The following PCDH15 variants were observed in gnomAD, a reference collection of about 807,000 sequenced individuals.
PCDH15 encodes protocadherin related 15.
PCDH15 carries 129 observed loss-of-function variants against 178.5 expected under a neutral mutation model. That is an observed-to-expected ratio of 0.72 (90% confidence interval 0.63 to 0.84). PCDH15 has a LOEUF of 0.84. Ranked by LOEUF, PCDH15 falls within the 40% of genes least tolerant of loss-of-function variation. PCDH15 has a pLI of 0.00. For missense variants in PCDH15, 2,230 were observed against 2,099.9 expected, an observed-to-expected ratio of 1.06 and a Z score of -1.21; for synonymous variants, 800 against 732.0, an observed-to-expected ratio of 1.09 and a Z score of -1.50.
chr10:54,678,919 G>C (rs945622600), intron 1 of PCDH15, among the ~76,000 whole-genome samples: 1 of 152,080 alleles, frequency 6.6e-6, no homozygotes, highest in East Asian at 1.9e-4. Context: ...GGCCGGGCGC[G>C]GTGGCTCACG....
chr10:54,614,887 C>A (rs902701673), intron 2 of PCDH15, among the ~76,000 whole-genome samples: 1 of 151,972 alleles, frequency 6.6e-6, no homozygotes, highest in African/African-American at 2.4e-5. Context: ...TGATGAGGAT[C>A]AGATGAGATA....
At chr10:55,021,755 T>C (rs926215335) in intron 2 of PCDH15, among the ~76,000 whole-genome samples, 1 of 152,194 alleles carries the variant, frequency 6.6e-6, no homozygotes, top group Non-Finnish European at 1.5e-5. Flanking sequence ...TCTATATGTA[T>C]CTTGAACATC....
intron 25 of PCDH15, among the ~76,000 whole-genome samples, chr10:53,930,353 G>A (rs989375607): frequency 1.3e-5 from 2 of 150,736 alleles, no homozygotes; most frequent in African/African-American, 2.4e-5. Context: ...AGCTACTCGG[G>A]AGGCTGAGGC....
At chr10:54,766,317 C>A (rs1167217462) in intron 1 of PCDH15, among the ~76,000 whole-genome samples, 3 of 152,074 alleles carry the variant, frequency 2.0e-5, no homozygotes, top group Non-Finnish European at 4.4e-5. Context: ...TTCATTTTAA[C>A]ATCATTGCAT....
intron 2 of PCDH15, among the ~76,000 whole-genome samples, chr10:55,048,419 A>C (rs1841068491): frequency 6.6e-6 from 1 of 151,902 alleles, no homozygotes; most frequent in South Asian, 2.1e-4. Flanking sequence ...AGAACAGCAC[A>C]AAAAAATAGA....
intron 3 of PCDH15, among the ~76,000 whole-genome samples, chr10:54,485,710 T>C (rs1044570613): frequency 4.6e-5 from 7 of 151,930 alleles, no homozygotes; most frequent in South Asian, 4.1e-4. Flanking sequence ...AGATCACGAG[T>C]TTTTAGCCAT....
chr10:54,837,120 A>G (rs1438322162), intron 3 of PCDH15, among the ~76,000 whole-genome samples: 2 of 152,128 alleles, frequency 1.3e-5, no homozygotes, highest in African/African-American at 4.8e-5. Context: ...ATTATTCAGG[A>G]AAAAACTAAA....
chr10:55,366,199 C>CTT (rs898723659), intron 2 of PCDH15: 8 of 151,968 alleles, frequency 5.3e-5, no homozygotes, highest in Non-Finnish European at 1.0e-4. Context: ...GTGAAGTGGG[C>CTT]TTTTTCCATC....
intron 37 of PCDH15, 37 bp downstream of exon 37, chr10:53,810,519 G>T: frequency 6.4e-7 from 1 of 1,566,898 alleles, no homozygotes; most frequent in South Asian, 1.1e-5. Context: ...TATTTTTCTT[G>T]GAATATTATC....
chr10:54,740,425 G>A (rs1199739268), intron 1 of PCDH15, among the ~76,000 whole-genome samples: 1 of 151,770 alleles, frequency 6.6e-6, no homozygotes, highest in East Asian at 1.9e-4. Flanking sequence ...CATTCTTGGT[G>A]GGAATGTAAA....
At chr10:53,948,444 T>C (rs1300895388) in intron 23 of PCDH15, among the ~76,000 whole-genome samples, 1 of 152,190 alleles carries the variant, frequency 6.6e-6, no homozygotes. Flanking sequence ...ACATTTTCTG[T>C]TCACTCTATT....
intron 21 of PCDH15, among the ~76,000 whole-genome samples, chr10:53,964,270 C>G (rs1322068959): frequency 1.3e-5 from 2 of 151,788 alleles, no homozygotes; most frequent in Admixed American, 6.6e-5. Flanking sequence ...CATAAGAATA[C>G]AAGCTTTATT....
intron 20 of PCDH15, among the ~76,000 whole-genome samples, chr10:54,016,267 A>T (rs1441275950): frequency 6.6e-6 from 1 of 152,078 alleles, no homozygotes; most frequent in African/African-American, 2.4e-5. Context: ...AAAAAGAAAA[A>T]AAAAAACATG....
intron 20 of PCDH15, among the ~76,000 whole-genome samples, chr10:54,010,776 T>A (rs947667459): frequency 6.6e-6 from 1 of 152,094 alleles, no homozygotes; most frequent in Admixed American, 6.5e-5. Context: ...CCAGTGTCTG[T>A]TTCCCGTGAG....
intron 2 of PCDH15, among the ~76,000 whole-genome samples, chr10:55,092,401 C>A (rs1842340278): frequency 6.6e-6 from 1 of 151,684 alleles, no homozygotes; most frequent in African/African-American, 2.4e-5. Flanking sequence ...TTCATGAAAA[C>A]TTGAAGAAAA....
intron 1 of PCDH15, among the ~76,000 whole-genome samples, chr10:55,195,675 A>C (rs1840076867): frequency 6.8e-6 from 1 of 147,968 alleles, no homozygotes; most frequent in Non-Finnish European, 1.5e-5. Flanking sequence ...AAAAAAAAGT[A>C]GTAAAGGAGA....
intron 1 of PCDH15, among the ~76,000 whole-genome samples, chr10:54,696,444 A>T (rs1413764589): frequency 6.6e-6 from 1 of 152,138 alleles, no homozygotes; most frequent in Non-Finnish European, 1.5e-5. Context: ...CATGAACTCC[A>T]TTGAAATGAC....
intron 2 of PCDH15, among the ~76,000 whole-genome samples, chr10:55,557,221 A>G (rs180738441): frequency 6.6e-6 from 1 of 152,180 alleles, no homozygotes; most frequent in South Asian, 2.1e-4. Context: ...TTGCTGAAAC[A>G]TTTAAGTTTA....
chr10:53,822,494 G>A (rs752000225), intron 32 of PCDH15: 1 of 1,611,686 alleles, frequency 6.2e-7, no homozygotes, highest in Non-Finnish European at 8.5e-7. Context: ...GAAGGGGACA[G>A]GCAGAAGGAG....
Sources: allele counts gnomAD v4.1 joint callset (sites outside exome capture counted in the v4.1 genomes callset), GRCh38; gene constraint gnomAD v4.1.1; transcripts MANE v1.5; gene names NCBI Gene and HGNC (gene_info 2026-07-23, HGNC 2026-07-21).